The following TMEM9 variants were observed in gnomAD, a reference collection of about 807,000 sequenced individuals.
TMEM9 encodes transmembrane protein 9.
In TMEM9, 13 loss-of-function variants were observed where a neutral mutation model predicts 22.8. The observed-to-expected ratio is 0.57, with a 90% confidence interval of 0.37 to 0.91. TMEM9 has a LOEUF of 0.91. Ranked by LOEUF, TMEM9 falls within the 40% of genes least tolerant of loss-of-function variation. The probability of loss-of-function intolerance (pLI) is 0.01; values close to 1 mark genes in which losing one functional copy is unlikely to be tolerated. For synonymous variants in TMEM9, 88 were observed against 93.0 expected, an observed-to-expected ratio of 0.95 and a Z score of 0.31; for missense variants, 182 against 238.1, an observed-to-expected ratio of 0.76 and a Z score of 1.55.
intron 3 of TMEM9, chr1:201,146,508 G>A: frequency 1.6e-6 from 1 of 625,914 alleles, no homozygotes; most frequent in Middle Eastern, 3.5e-4. Flanking sequence ...GCTCTCCCAG[G>A]GCTCTCCCCT....
intron 1 of TMEM9, among the ~76,000 whole-genome samples, chr1:201,165,057 A>G (rs1410106065): frequency 6.6e-6 from 1 of 151,584 alleles, no homozygotes; most frequent in African/African-American, 2.4e-5. Context: ...GGATAAGGAA[A>G]GGACAATGGG....
intron 2 of TMEM9, among the ~76,000 whole-genome samples, chr1:201,148,841 CCT>C (rs1269594213): frequency 3.3e-5 from 5 of 152,234 alleles, no homozygotes; most frequent in Non-Finnish European, 7.3e-5. Flanking sequence ...GCAGGTCTCC[CCT>C]GTTGTAACCG....
chr1:201,161,732 G>A (rs780480511), intron 1 of TMEM9, among the ~76,000 whole-genome samples: 21 of 152,116 alleles, frequency 1.4e-4, no homozygotes, highest in South Asian at 4.1e-4. Flanking sequence ...CTTTTTCGAA[G>A]AGCAGCCTTC....
chr1:201,157,581 C>T (rs1009599031), upstream of TMEM9, among the ~76,000 whole-genome samples: 1 of 152,228 alleles, frequency 6.6e-6, no homozygotes, highest in African/African-American at 2.4e-5. Context: ...TAATTTCTAT[C>T]TCCCGTATCA....
At chr1:201,166,354 A>G (rs1203907017) in intron 1 of TMEM9, among the ~76,000 whole-genome samples, 1 of 118,830 alleles carries the variant, frequency 8.4e-6, no homozygotes, top group African/African-American at 3.3e-5. Flanking sequence ...TGGAAAAAAA[A>G]AGACTATGAT....
At chr1:201,148,301 G>A (rs1457979792) in intron 2 of TMEM9, among the ~76,000 whole-genome samples, 1 of 152,204 alleles carries the variant, frequency 6.6e-6, no homozygotes, top group Non-Finnish European at 1.5e-5. Context: ...GGCCTGGGCT[G>A]GTACCTGGCT....
chr1:201,146,509 G>A (rs1664983848), intron 3 of TMEM9: 2 of 629,756 alleles, frequency 3.2e-6, no homozygotes, highest in African/African-American at 1.8e-5. Context: ...CTCTCCCAGG[G>A]CTCTCCCCTC....
intron 4 of TMEM9, 140 bp downstream of exon 4, chr1:201,143,680 G>A (rs1664720977): frequency 8.2e-6 from 6 of 734,006 alleles, no homozygotes; most frequent in South Asian, 5.4e-5. Flanking sequence ...GAGTCTGGGT[G>A]ATGTGTACGA....
intron 3 of TMEM9, 162 bp downstream of exon 3, chr1:201,146,578 G>T: frequency 1.3e-6 from 1 of 744,924 alleles, no homozygotes. Context: ...CCAGGAAGGT[G>T]TGGGATGTGG....
intron 1 of TMEM9, among the ~76,000 whole-genome samples, chr1:201,152,330 A>G (rs1055000699): frequency 2.0e-5 from 3 of 152,194 alleles, no homozygotes; most frequent in Non-Finnish European, 4.4e-5. Flanking sequence ...AAAGTGGATC[A>G]TTTCTGTGGG....
upstream of TMEM9, among the ~76,000 whole-genome samples, chr1:201,156,568 C>T (rs1251770299): frequency 1.3e-5 from 2 of 152,158 alleles, no homozygotes; most frequent in Non-Finnish European, 2.9e-5. Context: ...TGACTTTGCT[C>T]ATTGCAGTCC....
rs781323655 is a variant in TMEM9 at position 201,146,792 on chromosome 1, T to A, written c.215A>T (p.Tyr72Phe). Residue 72 changes from tyrosine (Y) to phenylalanine (F), a missense_variant, in exon 3 of 5, where the codon TAC becomes TTC. Transcript: ENST00000367330. The part of the protein sequence containing the change: ...MPVPGHDVEA[Y>F]CLLCECRYEE... ...GTACCTGCACTCGCACAGCAGGCAGTAGGCCTCCACGTCATGGCCAGGCAC... is the reference window on the plus strand; with the variant it reads ...GTACCTGCACTCGCACAGCAGGCAGAAGGCCTCCACGTCATGGCCAGGCAC... The A allele has an allele frequency of 1.2e-6, 2 of 1,614,102 alleles. No homozygotes were observed. Among genetic ancestry groups the A allele is most frequent in the African/African-American group, 2.7e-5 (2 of 74,938 alleles).
chr1:201,143,763 T>G, intron 4 of TMEM9, 57 bp downstream of exon 4: 2 of 1,594,784 alleles, frequency 1.3e-6, no homozygotes, highest in South Asian at 1.1e-5. Flanking sequence ...CCTCTGGGTT[T>G]TGCCCTGGGG....
intron 1 of TMEM9, among the ~76,000 whole-genome samples, chr1:201,164,504 TATAAA>T: frequency 6.6e-6 from 1 of 152,328 alleles, no homozygotes; most frequent in East Asian, 1.9e-4. Context: ...AGCTGAGCCA[TATAAA>T]ATTGCCAGTA....
chr1:201,161,657 A>C (rs1665950735), intron 1 of TMEM9, among the ~76,000 whole-genome samples: 1 of 152,246 alleles, frequency 6.6e-6, no homozygotes, highest in South Asian at 2.1e-4. Context: ...GTGATAAAAC[A>C]TATTGTGAAT....
At chr1:201,142,865 T>C (rs1664650459) in intron 4 of TMEM9, among the ~76,000 whole-genome samples, 1 of 152,204 alleles carries the variant, frequency 6.6e-6, no homozygotes, top group Admixed American at 6.5e-5. Flanking sequence ...CACGGGGCTG[T>C]GCAGTCCTCA....
intron 1 of TMEM9, among the ~76,000 whole-genome samples, chr1:201,161,928 A>G (rs1343633245): frequency 2.0e-5 from 3 of 152,232 alleles, no homozygotes; most frequent in Non-Finnish European, 4.4e-5. Flanking sequence ...TAAGGCTAAG[A>G]GAACTTCAAG....
At chr1:201,152,691 G>A (rs1665529192) in intron 1 of TMEM9, among the ~76,000 whole-genome samples, 1 of 152,170 alleles carries the variant, frequency 6.6e-6, no homozygotes, top group Non-Finnish European at 1.5e-5. Flanking sequence ...TGCTACTACA[G>A]GTGGTAGTAC....
chr1:201,138,665 C>T (rs1444062538), intron 4 of TMEM9, among the ~76,000 whole-genome samples: 1 of 152,234 alleles, frequency 6.6e-6, no homozygotes, highest in African/African-American at 2.4e-5. Context: ...ACAAGTGCCA[C>T]TATGTGCCAG....
Sources: allele counts gnomAD v4.1 joint callset (sites outside exome capture counted in the v4.1 genomes callset), GRCh38; gene constraint gnomAD v4.1.1; transcripts MANE v1.5; gene names NCBI Gene and HGNC (gene_info 2026-07-23, HGNC 2026-07-21).